Variants in UNC79 observed in about 807,000 individuals in gnomAD.
UNC79 encodes the protein protein unc-79 homolog.
A neutral mutation model predicts 283.1 loss-of-function variants in UNC79; 37 were observed. The ratio of observed to expected loss-of-function variants is 0.13; its 90% CI spans 0.10 to 0.17. The LOEUF (loss-of-function observed/expected upper bound fraction) is 0.17. Among genes scored for constraint, UNC79 ranks in the 10% least tolerant of loss-of-function variants. UNC79 has a pLI of 1.00. For missense variants in UNC79, 2,272 were observed against 3,211.1 expected (o/e 0.71, Z 7.07); for synonymous variants, 1,107 against 1,200.2 (o/e 0.92, Z 1.61).
intron 1 of UNC79, among the ~76,000 whole-genome samples, chr14:93,340,874 C>T (rs138299058): frequency 9.2e-4 from 140 of 152,206 alleles, no homozygotes; most frequent in African/African-American, 3.2e-3. Flanking sequence ...GTCTGGCCTA[C>T]GAGAAACCTT....
chr14:93,653,708 G>T, intron 35 of UNC79, 34 bp from the exon 39 acceptor site: 2 of 1,588,724 alleles, frequency 1.3e-6, no homozygotes, highest in South Asian at 1.1e-5. Context: ...ACTGGCCCAT[G>T]ACTTCGTGTC....
chr14:93,588,851 A>C (rs1404382745), intron 22 of UNC79, among the ~76,000 whole-genome samples: 2 of 151,954 alleles, frequency 1.3e-5, no homozygotes, highest in African/African-American at 4.8e-5. Context: ...TCTGGAAGGC[A>C]GGAGAGTGTG....
intron 45 of UNC79, 143 bp from the exon 49 acceptor site, chr14:93,691,606 A>G (rs1241346319): frequency 8.7e-6 from 7 of 808,572 alleles, no homozygotes. Context: ...GTGATGAATC[A>G]TGACTTTGTA....
Position 93,682,585 on chromosome 14 carries a change from T to C in UNC79, c.6742-32T>C. 3 of 1,584,824 alleles carry C rather than the reference T, an allele frequency of 1.9e-6. No homozygotes were observed. The South Asian group carries it at 3.4e-5, about 18-fold the overall frequency. ...TTACTTATTAATGTCCAGATACCCTTAAAAATAATTATCCTTTCACTTTTT... is the reference window on the plus strand; with the variant it reads ...TTACTTATTAATGTCCAGATACCCTCAAAAATAATTATCCTTTCACTTTTT... On this transcript the variant is annotated intron_variant, in intron 41 of 48. Transcript: ENST00000555664.
chr14:93,513,365 G>T (rs527521745), intron 7 of UNC79, among the ~76,000 whole-genome samples: 37 of 151,864 alleles, frequency 2.4e-4, no homozygotes, highest in Admixed American at 2.2e-3. Context: ...GGAACTACAG[G>T]CATGACCAAC....
intron 7 of UNC79, among the ~76,000 whole-genome samples, chr14:93,522,857 A>G (rs2060385632): frequency 6.6e-6 from 1 of 152,180 alleles, no homozygotes; most frequent in African/African-American, 2.4e-5. Context: ...AACTAGACAC[A>G]TAATCTTATA....
intron 5 of UNC79, among the ~76,000 whole-genome samples, chr14:93,490,236 A>G (rs1401877739): frequency 6.6e-6 from 1 of 152,044 alleles, no homozygotes; most frequent in Non-Finnish European, 1.5e-5. Context: ...TTTGGACAAT[A>G]CCTCCTGGCT....
At chr14:93,542,023 A>G (rs2061405394) in intron 13 of UNC79, among the ~76,000 whole-genome samples, 1 of 151,532 alleles carries the variant, frequency 6.6e-6, no homozygotes, top group Admixed American at 6.6e-5. Flanking sequence ...AAAAAAAAAA[A>G]AAAAAGTCTA....
chr14:93,533,849 C>A (rs1335517959), intron 11 of UNC79, among the ~76,000 whole-genome samples: 1 of 152,208 alleles, frequency 6.6e-6, no homozygotes, highest in Non-Finnish European at 1.5e-5. Context: ...TATTTACCTT[C>A]TTTCCATATG....
intron 14 of UNC79, among the ~76,000 whole-genome samples, chr14:93,568,679 T>C: frequency 6.7e-6 from 1 of 148,418 alleles, no homozygotes; most frequent in East Asian, 2.2e-4. Flanking sequence ...CTCAAAAAAA[T>C]AAAATAAATA....
At chr14:93,467,051 T>C (rs974321594) in intron 1 of UNC79, among the ~76,000 whole-genome samples, 14 of 152,204 alleles carry the variant, frequency 9.2e-5, no homozygotes, top group African/African-American at 3.4e-4. Flanking sequence ...TTTTTATTAG[T>C]GCACAATCAT....
At chr14:93,383,417 G>A (rs1470201427) in intron 1 of UNC79, among the ~76,000 whole-genome samples, 1 of 152,096 alleles carries the variant, frequency 6.6e-6, no homozygotes, top group Non-Finnish European at 1.5e-5. Context: ...TTGCAATAAA[G>A]CAAATATAGC....
intron 1 of UNC79, among the ~76,000 whole-genome samples, chr14:93,351,776 G>T (rs1468794411): frequency 6.6e-6 from 1 of 152,196 alleles, no homozygotes; most frequent in Non-Finnish European, 1.5e-5. Context: ...GGATAGGCTG[G>T]CAGGCAGGAA....
At chr14:93,587,572 C>T (rs1487910860) in intron 22 of UNC79, among the ~76,000 whole-genome samples, 1 of 152,166 alleles carries the variant, frequency 6.6e-6, no homozygotes, top group Non-Finnish European at 1.5e-5. Flanking sequence ...ATTCATTCAA[C>T]AAATATGAGG....
At chr14:93,461,154 A>G (rs551400257) in intron 1 of UNC79, among the ~76,000 whole-genome samples, 2 of 152,288 alleles carry the variant, frequency 1.3e-5, no homozygotes, top group East Asian at 3.9e-4. Context: ...GTTGTTTCTG[A>G]GTAGTGGGCC....
chr14:93,593,792 A>T, exon 23 of UNC79: 1 of 1,613,892 alleles, frequency 6.2e-7, no homozygotes, highest in Non-Finnish European at 8.5e-7. Context: ...GACAATCATA[A>T]ATGGCAATTT....
At chr14:93,625,460 C>T (rs561993465) in intron 30 of UNC79, among the ~76,000 whole-genome samples, 1 of 151,922 alleles carries the variant, frequency 6.6e-6, no homozygotes, top group African/African-American at 2.4e-5. Context: ...AGATGACACT[C>T]CTGACACTTG....
chr14:93,543,592 CTT>C lies in UNC79; in HGVS notation c.1755+897_1755+898del, dbSNP rs141003031. 4.1e-3 allele frequency among the ~76,000 whole-genome samples: 619 copies of C among 152,208 alleles called. 2 individuals carry two copies. Among genetic ancestry groups the C allele is most frequent in the African/African-American group, 0.013 (555 of 41,512 alleles). ...ATGTTGCTCAGGCTGGTCTCAGACTCTTGGCCTCCAGCGATCTTTCTGCCTCA... is the reference window on the plus strand; with the variant it reads ...ATGTTGCTCAGGCTGGTCTCAGACTCGGCCTCCAGCGATCTTTCTGCCTCA... On this transcript the variant is annotated intron_variant, in intron 14 of 48. Transcript: ENST00000555664.
At chr14:93,389,484 A>G (rs1251020537) in intron 1 of UNC79, among the ~76,000 whole-genome samples, 1 of 152,152 alleles carries the variant, frequency 6.6e-6, no homozygotes, top group Non-Finnish European at 1.5e-5. Context: ...GGCAATTTTC[A>G]TATAACATTG....
Sources: gnomAD v4.1 joint callset for allele counts (sites outside exome capture counted in the v4.1 genomes callset) on GRCh38, gnomAD v4.1.1 for gene constraint, MANE v1.5 for transcripts, NCBI Gene and HGNC (gene_info 2026-07-23, HGNC 2026-07-21) for gene names.